Variants in XPO4 observed in about 807,000 individuals in gnomAD.
XPO4 encodes exportin-4.
A neutral mutation model predicts 143.0 loss-of-function variants in XPO4; 39 were observed. The observed-to-expected ratio is 0.27, with a 90% CI of 0.21 to 0.36. XPO4 has a LOEUF of 0.36. Among genes scored for constraint, XPO4 ranks in the 10% least tolerant of loss-of-function variants. XPO4 has a pLI of 1.00. For missense variants in XPO4, 907 were observed against 1,348.0 expected, an observed-to-expected ratio of 0.67 and a Z score of 5.12; for synonymous variants, 439 against 474.0, an observed-to-expected ratio of 0.93 and a Z score of 0.96.
intron 18 of XPO4, among the ~76,000 whole-genome samples, chr13:20,794,944 A>G (rs1315717857): frequency 1.3e-5 from 2 of 151,750 alleles, no homozygotes; most frequent in African/African-American, 2.4e-5. Flanking sequence ...TAAACCTTCT[A>G]CACTGTGAAG....
At chr13:20,850,872 T>TA in intron 4 of XPO4, 1 of 985,410 alleles carries the variant, frequency 1.0e-6, no homozygotes, top group Non-Finnish European at 1.2e-6. Context: ...AATGTCCTTC[T>TA]AGAAGAGGTG....
intron 2 of XPO4, among the ~76,000 whole-genome samples, chr13:20,864,471 T>C (rs916500100): frequency 6.6e-6 from 1 of 152,182 alleles, no homozygotes; most frequent in African/African-American, 2.4e-5. Context: ...ATTTTAGTTA[T>C]AGAACTCTGA....
At chr13:20,830,771 A>C (rs1280053370) in intron 6 of XPO4, among the ~76,000 whole-genome samples, 1 of 152,188 alleles carries the variant, frequency 6.6e-6, no homozygotes, top group East Asian at 1.9e-4. Flanking sequence ...TGTACCATGA[A>C]ACTGCTGAAG....
At chr13:20,900,893 T>G (rs1033979401) in intron 1 of XPO4, among the ~76,000 whole-genome samples, 1 of 152,202 alleles carries the variant, frequency 6.6e-6, no homozygotes, top group Non-Finnish European at 1.5e-5. Context: ...ATTACAGGAA[T>G]GAGCCACCGC....
intron 1 of XPO4, among the ~76,000 whole-genome samples, chr13:20,895,993 T>C (rs2060565614): frequency 6.6e-6 from 1 of 152,180 alleles, no homozygotes; most frequent in Admixed American, 6.5e-5. Flanking sequence ...ACTGAATAAA[T>C]GGCCAGAAGT....
Position 20,843,053 on chromosome 13 carries a change from A to G in XPO4, c.574-5T>C, listed in dbSNP as rs1345076789. On this transcript the variant is annotated splice_region_variant and splice_polypyrimidine_tract_variant and intron_variant, in intron 5 of 22. Transcript: ENST00000255305. ...GATCTGACGAAGGTCTTCTTCCTATAGTCAATAAATCACAAATATTTTATA... is the reference window on the plus strand; with the variant it reads ...GATCTGACGAAGGTCTTCTTCCTATGGTCAATAAATCACAAATATTTTATA... 1.2e-5 allele frequency: 19 copies of G among 1,598,838 alleles called. No homozygotes were observed. Among genetic ancestry groups the G allele is most frequent in the Admixed American group, 5.2e-5 (3 of 57,306 alleles).
intron 9 of XPO4, among the ~76,000 whole-genome samples, chr13:20,820,163 C>T (rs2059701224): frequency 1.3e-5 from 2 of 152,206 alleles, no homozygotes; most frequent in African/African-American, 4.8e-5. Flanking sequence ...TTAGGTTCAT[C>T]TTCACTAGAG....
chr13:20,812,504 G>C (rs550762026), intron 9 of XPO4, among the ~76,000 whole-genome samples: 1 of 151,864 alleles, frequency 6.6e-6, no homozygotes, highest in Non-Finnish European at 1.5e-5. Context: ...AAGGGTAGGC[G>C]TCTTTACATT....
At chr13:20,885,843 A>C (rs1037594876) in intron 1 of XPO4, among the ~76,000 whole-genome samples, 1 of 152,204 alleles carries the variant, frequency 6.6e-6, no homozygotes, top group Non-Finnish European at 1.5e-5. Flanking sequence ...AATTCTAATC[A>C]AAATAAAGTT....
intron 1 of XPO4, among the ~76,000 whole-genome samples, chr13:20,900,471 C>T (rs1248954814): frequency 6.6e-6 from 1 of 152,080 alleles, no homozygotes; most frequent in Non-Finnish European, 1.5e-5. Context: ...GGCACAGCGC[C>T]TCCAACATAG....
At position 20,783,693 on chromosome 13, in the gene XPO4, G is replaced by C. The variant is rs1377169644; in HGVS notation, c.*29C>G. On this transcript the variant is annotated 3_prime_UTR_variant, in exon 23 of 23. Transcript: ENST00000255305. ...GCAATTCAGTGCACTTTGCAGAAAG[G>C]ATCTAAATTAAGCATAAAGTTCTGT... is the stretch of plus-strand genomic sequence containing the variant. 6.2e-7 allele frequency: 1 copy of C among 1,608,470 alleles called. No homozygotes were observed. The highest frequency in any genetic ancestry group is 8.5e-7 in the Non-Finnish European group (1 of 1,174,898).
intron 1 of XPO4, chr13:20,902,051 C>T (rs1206750067): frequency 1.0e-6 from 1 of 982,538 alleles, no homozygotes; most frequent in Non-Finnish European, 1.2e-6. Context: ...TTCTCCAAAT[C>T]GCGGGAGCTT....
chr13:20,827,280 G>T (rs2059796964), intron 6 of XPO4, 101 bp from the exon 7 acceptor site: 1 of 819,544 alleles, frequency 1.2e-6, no homozygotes, highest in Admixed American at 2.0e-5. Flanking sequence ...AATTTGTAAT[G>T]GTAACAGTTT....
chr13:20,877,527 A>G (rs1458572935), intron 1 of XPO4, among the ~76,000 whole-genome samples: 1 of 152,244 alleles, frequency 6.6e-6, no homozygotes, highest in Non-Finnish European at 1.5e-5. Context: ...GAGAAGACTT[A>G]AAAGATTGAA....
In XPO4 at chr13:20,778,009, C is replaced by T. The variant is rs2059103501; in HGVS notation, c.*5713G>A. On this transcript the variant is annotated 3_prime_UTR_variant, in exon 23 of 23. Coordinates refer to ENST00000255305, the MANE Select transcript of XPO4 (RefSeq NM_022459.5). ...TTACATAGAATGCACAAGACTCAAT[C>T]TGAGACCCTATGTTTAAAAAAACAA... 1 of 152,180 alleles carries T rather than the reference C, an allele frequency of 6.6e-6. No individual in the cohort carries two copies. Among genetic ancestry groups the T allele is most frequent in the Non-Finnish European group, 1.5e-5 (1 of 68,042 alleles). 9.4% of individuals were successfully genotyped at this position (152,180 alleles called of 1,614,324 possible).
In XPO4 at chr13:20,862,719, G is replaced by A; in HGVS notation, c.315C>T (p.Pro105=). Residue 105 remains proline (P), a splice_region_variant and synonymous_variant, in exon 3 of 23, where the codon CCC becomes CCT. Coordinates refer to ENST00000255305, the MANE Select transcript of XPO4 (RefSeq NM_022459.5). Reference sequence around the variant, plus strand: ...GCAGTCCCCCTCCATGTACTTACTTGGGCCTTTGTAAGACATAGGTTAAAA... The same window carrying A: ...GCAGTCCCCCTCCATGTACTTACTTAGGCCTTTGTAAGACATAGGTTAAAA... ...TFLLTYVLQR[P]NLQKYVREQI... The A allele has an allele frequency of 6.2e-7, 1 of 1,614,024 alleles. No individual in the cohort carries two copies. Among genetic ancestry groups the A allele is most frequent in the Non-Finnish European group, 8.5e-7 (1 of 1,179,948 alleles).
At chr13:20,888,529 T>G (rs142385610) in intron 1 of XPO4, among the ~76,000 whole-genome samples, 107 of 152,212 alleles carry the variant, frequency 7.0e-4, no homozygotes, top group African/African-American at 2.5e-3. Context: ...TTTTTATTTT[T>G]TATTTTTTGT....
intron 1 of XPO4, among the ~76,000 whole-genome samples, chr13:20,887,498 C>T (rs780532944): frequency 3.9e-5 from 6 of 152,050 alleles, no homozygotes; most frequent in African/African-American, 7.2e-5. Flanking sequence ...ATAATAATGA[C>T]GATAATAATA....
intron 7 of XPO4, among the ~76,000 whole-genome samples, chr13:20,824,724 A>G (rs1448177251): frequency 6.6e-6 from 1 of 152,186 alleles, no homozygotes; most frequent in Non-Finnish European, 1.5e-5. Flanking sequence ...GAATATGGAA[A>G]AGGGACAGAG....
Sources: gnomAD v4.1 joint callset for allele counts (sites outside exome capture counted in the v4.1 genomes callset) on GRCh38, gnomAD v4.1.1 for gene constraint, MANE v1.5 for transcripts, NCBI Gene and HGNC (gene_info 2026-07-23, HGNC 2026-07-21) for gene names.